Variants in CNTN5 observed in about 807,000 individuals in gnomAD.
CNTN5 encodes the protein contactin 5, also known as contactin-5.
CNTN5 carries 77 observed loss-of-function variants against 129.1 expected under a neutral mutation model. The ratio of observed to expected loss-of-function variants is 0.60; its 90% CI spans 0.50 to 0.72. The LOEUF is 0.72. CNTN5 is among the 30% of genes least tolerant of loss of function. The pLI is 0.00. For missense variants in CNTN5, 1,478 were observed against 1,328.8 expected (o/e 1.11, Z -1.75); for synonymous variants, 509 against 465.6 (o/e 1.09, Z -1.20).
intron 8 of CNTN5, among the ~76,000 whole-genome samples, chr11:99,962,416 T>C (rs1950974130): frequency 6.6e-6 from 1 of 151,734 alleles, no homozygotes; most frequent in South Asian, 2.1e-4. Flanking sequence ...TGTTTGGTTT[T>C]TTGTCCTTGC....
chr11:99,486,681 A>T (rs1945828165), intron 2 of CNTN5, among the ~76,000 whole-genome samples: 1 of 152,172 alleles, frequency 6.6e-6, no homozygotes, highest in Non-Finnish European at 1.5e-5. Flanking sequence ...AGTTTTAGAA[A>T]CTATTTCTTT....
chr11:99,554,799 T>A (rs1179964798), intron 2 of CNTN5, among the ~76,000 whole-genome samples: 2 of 152,098 alleles, frequency 1.3e-5, no homozygotes, highest in Admixed American at 1.3e-4. Context: ...GTGGATTTTA[T>A]TATTTTCCTT....
intron 8 of CNTN5, among the ~76,000 whole-genome samples, chr11:99,961,130 G>A (rs1252196547): frequency 1.3e-5 from 2 of 149,832 alleles, no homozygotes; most frequent in Non-Finnish European, 3.0e-5. Flanking sequence ...TCTGGAACCC[G>A]GGAGGCGGAT....
At chr11:99,199,611 G>C (rs1340641971) in intron 1 of CNTN5, among the ~76,000 whole-genome samples, 3 of 152,056 alleles carry the variant, frequency 2.0e-5, no homozygotes, top group Non-Finnish European at 4.4e-5. Context: ...ATTCCTCTAG[G>C]ACCAGCAGAC....
At chr11:99,227,267 G>A (rs1178822425) in intron 1 of CNTN5, among the ~76,000 whole-genome samples, 2 of 151,906 alleles carry the variant, frequency 1.3e-5, no homozygotes, top group Non-Finnish European at 2.9e-5. Flanking sequence ...GGCTGAAGCA[G>A]GAGAATCACT....
chr11:99,336,668 C>T (rs369955705), intron 2 of CNTN5, among the ~76,000 whole-genome samples: 3 of 151,918 alleles, frequency 2.0e-5, no homozygotes, highest in Admixed American at 6.6e-5. Context: ...GGTGAGACTC[C>T]GTCTCTACTA....
At chr11:99,597,750 G>C (rs1425829280) in intron 3 of CNTN5, among the ~76,000 whole-genome samples, 1 of 152,034 alleles carries the variant, frequency 6.6e-6, no homozygotes, top group Non-Finnish European at 1.5e-5. Context: ...TAACCTCAGG[G>C]TACCAAGAAT....
At chr11:100,156,723 G>A (rs1053318915) in intron 13 of CNTN5, among the ~76,000 whole-genome samples, 1 of 152,018 alleles carries the variant, frequency 6.6e-6, no homozygotes, top group African/African-American at 2.4e-5. Context: ...TCTTGGGAGG[G>A]TGTATGTGCC....
chr11:99,707,478 A>G (rs1013679581), intron 3 of CNTN5, among the ~76,000 whole-genome samples: 3 of 151,766 alleles, frequency 2.0e-5, no homozygotes, highest in Non-Finnish European at 3.0e-5. Flanking sequence ...TTACTTGTGC[A>G]TTAATTCGTA....
chr11:99,539,876 A>C (rs1428721293), intron 2 of CNTN5, among the ~76,000 whole-genome samples: 1 of 152,172 alleles, frequency 6.6e-6, no homozygotes, highest in Non-Finnish European at 1.5e-5. Flanking sequence ...TTTAATAATA[A>C]TTAAGCTACT....
intron 18 of CNTN5, among the ~76,000 whole-genome samples, chr11:100,291,300 C>G (rs1490402047): frequency 6.6e-6 from 1 of 151,990 alleles, no homozygotes; most frequent in African/African-American, 2.4e-5. Context: ...TATAAAGACA[C>G]ATGCACACGT....
chr11:99,114,475 CCTT>C (rs1455759237), intron 1 of CNTN5, among the ~76,000 whole-genome samples: 1 of 148,022 alleles, frequency 6.8e-6, no homozygotes, highest in African/African-American at 2.5e-5. Flanking sequence ...TCCTCCTTCT[CCTT>C]TTCTTCTTCT....
intron 9 of CNTN5, among the ~76,000 whole-genome samples, chr11:100,045,827 T>G (rs544343451): frequency 3.1e-4 from 47 of 152,224 alleles, no homozygotes; most frequent in African/African-American, 1.1e-3. Context: ...AAAAGAAATT[T>G]AAATGTTAAA....
intron 13 of CNTN5, among the ~76,000 whole-genome samples, chr11:100,177,360 C>T (rs995245976): frequency 6.6e-6 from 1 of 152,084 alleles, no homozygotes; most frequent in African/African-American, 2.4e-5. Flanking sequence ...GATTACACTA[C>T]ATAGTAATTG....
chr11:99,657,180 A>T (rs554661725), intron 3 of CNTN5, among the ~76,000 whole-genome samples: 1 of 152,168 alleles, frequency 6.6e-6, no homozygotes, highest in East Asian at 1.9e-4. Flanking sequence ...GTAAATTACA[A>T]AAAACATTCC....
intron 6 of CNTN5, among the ~76,000 whole-genome samples, chr11:99,849,367 G>C (rs1208594908): frequency 6.6e-6 from 1 of 151,484 alleles, no homozygotes; most frequent in Non-Finnish European, 1.5e-5. Flanking sequence ...TGCATAATTA[G>C]TATATATATA....
intron 15 of CNTN5, among the ~76,000 whole-genome samples, chr11:100,218,535 C>A (rs545038566): frequency 6.6e-6 from 1 of 152,284 alleles, no homozygotes; most frequent in East Asian, 1.9e-4. Flanking sequence ...GGGCACCATA[C>A]TGAGAAGGGT....
At chr11:99,659,124 T>A (rs1952502883) in intron 3 of CNTN5, among the ~76,000 whole-genome samples, 1 of 152,088 alleles carries the variant, frequency 6.6e-6, no homozygotes, top group Non-Finnish European at 1.5e-5. Flanking sequence ...GAAAGATACA[T>A]GATCATTTAC....
chr11:99,665,801 T>C (rs1289856857), intron 3 of CNTN5, among the ~76,000 whole-genome samples: 1 of 151,982 alleles, frequency 6.6e-6, no homozygotes. Context: ...GTACGATGTA[T>C]CTTGTAACAA....
Sources: allele counts gnomAD v4.1 joint callset (sites outside exome capture counted in the v4.1 genomes callset), GRCh38; gene constraint gnomAD v4.1.1; transcripts MANE v1.5; gene names NCBI Gene and HGNC (gene_info 2026-07-23, HGNC 2026-07-21).